The following VAC14 variants were observed in gnomAD, a reference collection of about 807,000 sequenced individuals.
The protein encoded by VAC14 is VAC14 component of PIKFYVE complex.
A neutral mutation model predicts 85.3 loss-of-function variants in VAC14; 47 were observed. The observed-to-expected ratio is 0.55, with a 90% CI of 0.44 to 0.70. The LOEUF (loss-of-function observed/expected upper bound fraction) is 0.70, where lower values mean the gene tolerates loss of function less well. VAC14 is among the 30% of genes least tolerant of loss of function. The probability of loss-of-function intolerance (pLI) is 0.00; values close to 1 mark genes in which losing one functional copy is unlikely to be tolerated. For synonymous variants in VAC14, 447 were observed against 430.5 expected, an observed-to-expected ratio of 1.04 and a Z score of -0.47; for missense variants, 861 against 1,004.3, an observed-to-expected ratio of 0.86 and a Z score of 1.93.
At chr16:70,745,980 G>T (rs1338004366) in intron 12 of VAC14, among the ~76,000 whole-genome samples, 1 of 152,228 alleles carries the variant, frequency 6.6e-6, no homozygotes, top group East Asian at 1.9e-4. Flanking sequence ...GGAATTAGAT[G>T]GGGGTAATGG....
chr16:70,713,129 T>C (rs1403796347), intron 14 of VAC14, among the ~76,000 whole-genome samples: 4 of 151,356 alleles, frequency 2.6e-5, no homozygotes, highest in Non-Finnish European at 4.4e-5. Flanking sequence ...TTGCAAGGAG[T>C]GATTAGCATA....
chr16:70,753,058 G>C (rs570496312), intron 12 of VAC14, among the ~76,000 whole-genome samples: 1 of 151,810 alleles, frequency 6.6e-6, no homozygotes, highest in East Asian at 1.9e-4. Context: ...CAGACAGATG[G>C]ACAGATAAAC....
At chr16:70,722,196 G>C (rs2054310793) in intron 14 of VAC14, among the ~76,000 whole-genome samples, 1 of 152,246 alleles carries the variant, frequency 6.6e-6, no homozygotes, top group African/African-American at 2.4e-5. Context: ...GATCCCAAGA[G>C]CCGCTTTGGT....
At chr16:70,752,040 G>C (rs2031432020) in intron 12 of VAC14, among the ~76,000 whole-genome samples, 1 of 152,212 alleles carries the variant, frequency 6.6e-6, no homozygotes, top group Non-Finnish European at 1.5e-5. Context: ...AAACTGCCTT[G>C]ATAGAAAACG....
At chr16:70,703,725 G>A (rs1017460213) in intron 14 of VAC14, among the ~76,000 whole-genome samples, 3 of 152,192 alleles carry the variant, frequency 2.0e-5, no homozygotes, top group African/African-American at 7.2e-5. Context: ...CTTCTCTTTG[G>A]TTTCTCTGCC....
intron 1 of VAC14, among the ~76,000 whole-genome samples, chr16:70,798,842 G>A (rs528821999): frequency 4.6e-5 from 7 of 152,306 alleles, no homozygotes; most frequent in South Asian, 4.2e-4. Flanking sequence ...GAAAATGTAC[G>A]GTCATTCATT....
At chr16:70,711,451 C>G (rs192141184) in intron 14 of VAC14, among the ~76,000 whole-genome samples, 2 of 151,918 alleles carry the variant, frequency 1.3e-5, no homozygotes, top group Non-Finnish European at 2.9e-5. Context: ...TCCTGGTTTA[C>G]GTTTCTGCTT....
chr16:70,689,505 C>G, intron 18 of VAC14: 1 of 985,514 alleles, frequency 1.0e-6, no homozygotes, highest in African/African-American at 1.7e-5. Flanking sequence ...AGGACCAGGG[C>G]AGGGGGACTC....
chr16:70,695,699 C>T (rs148892544), intron 16 of VAC14, 76 bp from the exon 17 acceptor site: 231 of 1,432,780 alleles, frequency 1.6e-4, no homozygotes, highest in Non-Finnish European at 5.3e-5. Context: ...GCCCTCCCCC[C>T]CTGCACCTGG....
In VAC14 at chr16:70,690,941, C is replaced by T. The variant is rs115754951; in HGVS notation, c.2186+1880G>A. 1,078 of 985,128 alleles carry T rather than the reference C, an allele frequency of 1.1e-3. 13 individuals carry two copies. In the African/African-American group the frequency reaches 0.017, roughly 16 times the overall value. 61.0% of individuals were successfully genotyped at this position (985,128 alleles called of 1,614,324 possible). ...TTAGTCCAAATGTGCATTTACTGAC[C>T]AAGTAACCAAGAACCCAGAGAGGGC... On this transcript the variant is annotated intron_variant, in intron 18 of 18. Transcript: ENST00000261776.
chr16:70,689,893 C>T (rs1052219407), intron 18 of VAC14: 27 of 985,350 alleles, frequency 2.7e-5, no homozygotes, highest in Non-Finnish European at 3.1e-5. Context: ...AGGGCCACCC[C>T]GGAGCTTGCA....
At chr16:70,690,671 A>G (rs1463138003) in intron 18 of VAC14, 3 of 985,498 alleles carry the variant, frequency 3.0e-6, no homozygotes, top group Non-Finnish European at 3.6e-6. Flanking sequence ...CCTGCCCCGC[A>G]ACTCGACCCT....
chr16:70,716,028 G>A (rs1477944545), intron 14 of VAC14: 1 of 152,200 alleles, frequency 6.6e-6, no homozygotes, highest in Non-Finnish European at 1.5e-5. Context: ...CCTGAGGAGA[G>A]GGGAAAACTA....
intron 13 of VAC14, among the ~76,000 whole-genome samples, chr16:70,736,608 G>A (rs1049579610): frequency 6.6e-6 from 1 of 152,148 alleles, no homozygotes; most frequent in Non-Finnish European, 1.5e-5. Flanking sequence ...CCCTAGTGTG[G>A]ACCCAAAATG....
intron 12 of VAC14, among the ~76,000 whole-genome samples, chr16:70,756,514 C>T (rs900272296): frequency 1.8e-4 from 28 of 152,220 alleles, no homozygotes; most frequent in Non-Finnish European, 3.2e-4. Flanking sequence ...TGCTTCCCAG[C>T]GCCTACCCTG....
In VAC14 at chr16:70,688,084, A is replaced by G. The variant is rs1214622010; in HGVS notation, c.2193T>C (p.Ser731=). ...TCTGGGACTTGGGGGCTGCCTTTAG[A>G]CTGTCTCTGGGAAGAGGGAGCAGAA... is the stretch of plus-strand genomic sequence containing the variant. ...PNPELLQTED[S]LKAAPKSQKA... is the part of the protein sequence containing the mutation. The change falls in exon 19 of 19, where the codon AGT becomes AGC. Residue 731 remains serine (S), a synonymous_variant. Transcript: ENST00000261776. 1.3e-6 allele frequency: 2 copies of G among 1,577,854 alleles called. No homozygotes were observed. The highest frequency in any genetic ancestry group is 1.7e-6 in the Non-Finnish European group (2 of 1,158,636).
At chr16:70,723,094 C>T (rs375442672) in intron 14 of VAC14, among the ~76,000 whole-genome samples, 18 of 152,104 alleles carry the variant, frequency 1.2e-4, no homozygotes, top group South Asian at 1.0e-3. Flanking sequence ...AGGTGGTACA[C>T]GCCTGTAATT....
At position 70,698,567 on chromosome 16, in the gene VAC14, C is replaced by G. The variant is rs909504599; in HGVS notation, c.1836+70G>C. ...GAGCCTCCTGGGGCCAGCCGAGGGGCGGGCTCACACAGGGTGTGCCCCCTG... is the reference window on the plus strand; with the variant it reads ...GAGCCTCCTGGGGCCAGCCGAGGGGGGGGCTCACACAGGGTGTGCCCCCTG... On this transcript the variant is annotated intron_variant, in intron 15 of 18. Coordinates refer to ENST00000261776, the MANE Select transcript of VAC14 (RefSeq NM_018052.5). 1.2e-5 allele frequency: 19 copies of G among 1,571,362 alleles called. No homozygotes were observed. In the African/African-American group the frequency reaches 2.4e-4, roughly 20 times the overall value.
chr16:70,710,871 G>A (rs2142995548), intron 14 of VAC14, among the ~76,000 whole-genome samples: 1 of 152,362 alleles, frequency 6.6e-6, no homozygotes, highest in African/African-American at 2.4e-5. Context: ...GGCCCTGGGT[G>A]ATTACAGTGA....
Sources: allele counts gnomAD v4.1 joint callset (sites outside exome capture counted in the v4.1 genomes callset), GRCh38; gene constraint gnomAD v4.1.1; transcripts MANE v1.5; gene names NCBI Gene and HGNC (gene_info 2026-07-23, HGNC 2026-07-21).